TSC22D4: variants seen among roughly 807,000 people sequenced by gnomAD.
The protein encoded by TSC22D4 is TSC22 domain family member 4.
Under a neutral mutation model 24.9 loss-of-function variants are expected in TSC22D4, and 5 were observed. The observed-to-expected ratio is 0.20, with a 90% CI of 0.10 to 0.42. TSC22D4 has a LOEUF of 0.42. Among genes scored for constraint, TSC22D4 ranks in the 10% least tolerant of loss-of-function variants. TSC22D4 has a pLI of 1.00. For missense variants in TSC22D4, 469 were observed against 547.9 expected (o/e 0.86, Z 1.44); for synonymous variants, 245 against 243.2 (o/e 1.01, Z -0.07).
chr7:100,474,267 C>T lies in TSC22D4; in HGVS notation c.929+7G>A, dbSNP rs773512424. The T allele has an allele frequency of 3.7e-6, 6 of 1,613,566 alleles. No individual in the cohort carries two copies. The highest frequency in any genetic ancestry group is 2.2e-5 in the East Asian group (1 of 44,876). ...CCACGCCCCACCACCCCACGAAGCC[C>T]ACCTACCTATCATCGTCGCTGTCTA... On this transcript the variant is annotated splice_region_variant and intron_variant, in intron 3 of 4. Transcript: ENST00000300181. The surrounding 1 kb of genome is among the most constrained non-coding windows in gnomAD (Gnocchi z 4.3).
intron 3 of TSC22D4, among the ~76,000 whole-genome samples, chr7:100,472,437 G>T (rs1799409892): frequency 6.7e-6 from 1 of 150,074 alleles, no homozygotes; most frequent in East Asian, 2.0e-4. Context: ...GGCAGGGAGG[G>T]AGGGTACAGG....
intron 3 of TSC22D4, among the ~76,000 whole-genome samples, chr7:100,471,732 T>C (rs941001444): frequency 7.3e-5 from 11 of 151,384 alleles, no homozygotes; most frequent in African/African-American, 2.4e-4. Flanking sequence ...AGAGCAAGAC[T>C]CCATCTAAAA....
chr7:100,467,068 T>C lies in TSC22D4; in HGVS notation c.1079A>G (p.Gln360Arg). Residue 360 changes from glutamine to arginine, a missense_variant, in exon 5 of 5, where the codon CAG (glutamine) becomes CGG (arginine). Gln to Arg is a conservative substitution (Grantham distance 43). Transcript: ENST00000300181. ...ELAERNAALEQENGLLRALAS... is the reference protein window; with the variant it reads ...ELAERNAALERENGLLRALAS... Reference sequence around the variant, plus strand: ...CAGGGCGCGCAGCAGCCCATTCTCCTGCTCCAGCGCAGCGTTCCGCTCCGC... The same window carrying C: ...CAGGGCGCGCAGCAGCCCATTCTCCCGCTCCAGCGCAGCGTTCCGCTCCGC... 6.2e-7 allele frequency: 1 copy of C among 1,614,028 alleles called. No individual in the cohort carries two copies. The highest frequency in any genetic ancestry group is 2.2e-5 in the East Asian group (1 of 44,878).
chr7:100,476,432 G>A (rs1352568494), intron 2 of TSC22D4, among the ~76,000 whole-genome samples: 3 of 152,100 alleles, frequency 2.0e-5, no homozygotes, highest in East Asian at 1.9e-4. Context: ...CCAGACCTCC[G>A]AGGTGTTATA....
intron 3 of TSC22D4, among the ~76,000 whole-genome samples, chr7:100,469,246 A>T (rs939142217): frequency 6.6e-6 from 1 of 150,484 alleles, no homozygotes; most frequent in East Asian, 2.0e-4. Flanking sequence ...AAAAAAAAAA[A>T]TCGCCTATGG....
chr7:100,478,320 G>T lies in TSC22D4; in HGVS notation c.-269-13C>A, dbSNP rs1799550546. On this transcript the variant is annotated splice_polypyrimidine_tract_variant and intron_variant, in intron 1 of 4. Coordinates refer to ENST00000300181, the MANE Select transcript of TSC22D4 (RefSeq NM_030935.5). ...CTGAGTTTGCAAACTGGAAAAAGAG[G>T]GGGAGAGAGAGAGAGAGAGAGAGAG... 3.1e-6 allele frequency: 1 copy of T among 318,546 alleles called. No homozygotes were observed. 19.7% of individuals were successfully genotyped at this position (318,546 alleles called of 1,614,324 possible). A position where few individuals can be genotyped will look rare whatever the true frequency, so the allele number is the denominator to read the frequency against.
At position 100,477,523 on chromosome 7, in the gene TSC22D4, C is replaced by T. The variant is rs1799523568; in HGVS notation, c.516G>A (p.Gln172=). ...CCTTGGCTTTGCTGGGCACCACCAG[C>T]TGGCCCAGTCCCCCAGTGAAGGAGC... is the stretch of plus-strand genomic sequence containing the variant. ...QARSFTGGLG[Q]LVVPSKAKAE... is the part of the protein sequence containing the mutation. The change falls in exon 2 of 5, where the codon CAG becomes CAA. Residue 172 remains glutamine, a synonymous_variant. Transcript: ENST00000300181. The surrounding 1 kb of genome is among the most constrained non-coding windows in gnomAD (Gnocchi z 7.8). The T allele has an allele frequency of 1.3e-6, 2 of 1,558,562 alleles. No individual in the cohort carries two copies. Among genetic ancestry groups the T allele is most frequent in the Non-Finnish European group, 1.7e-6 (2 of 1,152,724 alleles).
chr7:100,478,350 A>AGAGAGAGAGAGT (rs1228276528), intron 1 of TSC22D4, 43 bp from the exon 2 acceptor site: 1 of 82,804 alleles, frequency 1.2e-5, no homozygotes, highest in Non-Finnish European at 2.1e-5. Flanking sequence ...AGAGAGAGAG[A>AGAGAGAGAGAGT]GTGTGTGTGT....
rs979050347 is a variant in TSC22D4 at position 100,474,329 on chromosome 7, T to C, written c.874A>G (p.Ser292Gly). ...ATGGCCAACATGGAGTGGGCCAGGC[T>C]GAACTTCTGAGCTGCTACTGCTCCG... Reference protein sequence around the residue: ...PFGAVAAQKFSLAHSMLAISG... With the variant: ...PFGAVAAQKFGLAHSMLAISG... Residue 292 changes from serine to glycine, a missense_variant, in exon 3 of 5, where the codon AGC becomes GGC. Coordinates refer to ENST00000300181, the MANE Select transcript of TSC22D4 (RefSeq NM_030935.5). This position sits in a 1 kb window ranked among gnomAD's most constrained non-coding sequence, Gnocchi z 4.3. 10 of 1,614,128 alleles carry C rather than the reference T, an allele frequency of 6.2e-6. No homozygotes were observed. Among genetic ancestry groups the C allele is most frequent in the Non-Finnish European group, 8.5e-6 (10 of 1,180,018 alleles).
chr7:100,471,236 G>A (rs980105709), intron 3 of TSC22D4, among the ~76,000 whole-genome samples: 1 of 150,664 alleles, frequency 6.6e-6, no homozygotes, highest in Non-Finnish European at 1.5e-5. Context: ...TCGGGGAGGG[G>A]GAAGGGGGGC....
chr7:100,467,821 C>A (rs965500133), intron 3 of TSC22D4: 1 of 697,934 alleles, frequency 1.4e-6, no homozygotes, highest in Admixed American at 2.1e-5. Context: ...GGGGGATGCA[C>A]CCCGGGGAGA....
At chr7:100,476,149 G>A (rs1799492387) in intron 2 of TSC22D4, among the ~76,000 whole-genome samples, 1 of 151,398 alleles carries the variant, frequency 6.6e-6, no homozygotes. Context: ...GGTTTGCTTT[G>A]GAAGAGTCTG....
intron 4 of TSC22D4, 138 bp from the exon 5 acceptor site, chr7:100,467,306 G>A: frequency 1.0e-6 from 1 of 1,000,962 alleles, no homozygotes; most frequent in Non-Finnish European, 1.6e-6. Flanking sequence ...AGGGGAAAAG[G>A]ACGAGGGACA....
intron 3 of TSC22D4, among the ~76,000 whole-genome samples, chr7:100,471,462 G>A (rs377200510): frequency 1.3e-5 from 2 of 152,250 alleles, no homozygotes; most frequent in Admixed American, 6.5e-5. Flanking sequence ...CCTCCTGGCC[G>A]GGTGAGGTGG....
chr7:100,472,156 C>A (rs961980997), intron 3 of TSC22D4, among the ~76,000 whole-genome samples: 1 of 152,128 alleles, frequency 6.6e-6, no homozygotes, highest in African/African-American at 2.4e-5. Context: ...AACATCTCAG[C>A]CCACCTTCCC....
rs908530650 is a variant in TSC22D4 at position 100,477,200 on chromosome 7, G to T, written c.762+77C>A. 46 of 1,184,566 alleles carry T rather than the reference G, an allele frequency of 3.9e-5. No individual in the cohort carries two copies. The African/African-American group carries it at 4.6e-4, about 12-fold the overall frequency. 73.4% of individuals were successfully genotyped at this position (1,184,566 alleles called of 1,614,324 possible). A position where few individuals can be genotyped will look rare whatever the true frequency, so the allele number is the denominator to read the frequency against. Reference sequence around the variant, plus strand: ...GTGATGGAGAAGGAGGAGGAGAGGGGGGGGAGGAGGAGGAAGGAGGCTCAA... The same window carrying T: ...GTGATGGAGAAGGAGGAGGAGAGGGTGGGGAGGAGGAGGAAGGAGGCTCAA... On this transcript the variant is annotated intron_variant, in intron 2 of 4. Transcript: ENST00000300181. The surrounding 1 kb of genome is among the most constrained non-coding windows in gnomAD (Gnocchi z 7.8).
Position 100,477,990 on chromosome 7 carries a change from T to C in TSC22D4, c.49A>G (p.Thr17Ala). 6.3e-7 allele frequency: 1 copy of C among 1,585,804 alleles called. No homozygotes were observed. The highest frequency in any genetic ancestry group is 8.6e-7 in the Non-Finnish European group (1 of 1,168,808). The change falls in exon 2 of 5, where the codon ACG (threonine) becomes GCG (alanine). Residue 17 changes from threonine to alanine, a missense_variant. Thr to Ala is a moderately conservative substitution (Grantham distance 58). Coordinates refer to ENST00000300181, the MANE Select transcript of TSC22D4 (RefSeq NM_030935.5). This position sits in a 1 kb window ranked among gnomAD's most constrained non-coding sequence, Gnocchi z 7.8. ...GGGCTCCCAGGGCCCTCATAGTCCG[T>C]GGTGACGCTGGTGATTTGGAAACTA... ...KSSFQITSVT[T>A]DYEGPGSPGA...
chr7:100,474,227 C>T lies in TSC22D4; in HGVS notation c.929+47G>A, dbSNP rs755688180. 46 of 1,600,580 alleles carry T rather than the reference C, an allele frequency of 2.9e-5. No individual in the cohort carries two copies. Among genetic ancestry groups the T allele is most frequent in the African/African-American group, 1.2e-4 (9 of 74,668 alleles). Reference sequence around the variant, plus strand: ...TCTTACAGCTACCCCGGGTGCTGGGCGGGGAACCTGAACCCCACGCCCCAC... The same window carrying T: ...TCTTACAGCTACCCCGGGTGCTGGGTGGGGAACCTGAACCCCACGCCCCAC... On this transcript the variant is annotated intron_variant, in intron 3 of 4. Transcript: ENST00000300181. The surrounding 1 kb of genome is among the most constrained non-coding windows in gnomAD (Gnocchi z 4.3).
At chr7:100,470,885 G>A (rs1799378676) in intron 3 of TSC22D4, among the ~76,000 whole-genome samples, 1 of 152,192 alleles carries the variant, frequency 6.6e-6, no homozygotes, top group South Asian at 2.1e-4. Flanking sequence ...TTTCAAATAT[G>A]AGCGGCACCC....
Sources: gnomAD v4.1 joint callset for allele counts (sites outside exome capture counted in the v4.1 genomes callset) on GRCh38, gnomAD v4.1.1 for gene constraint, Gnocchi (gnomAD v3.1) non-coding constraint, MANE v1.5 for transcripts, NCBI Gene and HGNC (gene_info 2026-07-23, HGNC 2026-07-21) for gene names.